NEK4: variants seen among roughly 807,000 people sequenced by gnomAD.
NEK4 encodes NIMA related kinase 4.
In NEK4, 86 loss-of-function variants were observed where a neutral mutation model predicts 98.4. The observed-to-expected ratio is 0.87, with a 90% CI of 0.73 to 1.05. The LOEUF (loss-of-function observed/expected upper bound fraction) is 1.05. NEK4 is among the 50% of genes least tolerant of loss of function. The probability of loss-of-function intolerance (pLI) is 0.00; values close to 1 mark genes in which losing one functional copy is unlikely to be tolerated. For synonymous variants in NEK4, 328 were observed against 342.2 expected (o/e 0.96, Z 0.46); for missense variants, 898 against 950.3 (o/e 0.94, Z 0.72).
intron 9 of NEK4, 27 bp downstream of exon 9, chr3:52,746,707 C>T (rs1434964896): frequency 4.5e-6 from 7 of 1,566,710 alleles, no homozygotes; most frequent in Non-Finnish European, 6.1e-6. Flanking sequence ...CAAAGTCCAC[C>T]TCCCAAACCA....
chr3:52,734,342 C>T (rs1449433186), intron 15 of NEK4, among the ~76,000 whole-genome samples: 2 of 150,822 alleles, frequency 1.3e-5, no homozygotes, highest in African/African-American at 2.4e-5. Flanking sequence ...CCCAGCTGCT[C>T]GGGAGGCTGA....
intron 4 of NEK4, 85 bp downstream of exon 4, chr3:52,765,802 C>A: frequency 1.2e-6 from 1 of 827,008 alleles, no homozygotes; most frequent in Non-Finnish European, 2.1e-6. Flanking sequence ...ATTGACTCAT[C>A]AAAATCATCA....
intron 15 of NEK4, among the ~76,000 whole-genome samples, chr3:52,726,588 G>A (rs781679562): frequency 4.7e-5 from 6 of 126,822 alleles, no homozygotes; most frequent in Non-Finnish European, 9.9e-5. Flanking sequence ...AACAGAGCAA[G>A]ACTCCGTCTC....
Position 52,746,206 on chromosome 3 carries a change from T to C in NEK4, c.1682A>G (p.Gln561Arg). ...RQVRRDLFAFQESPPRFLPSH... is the reference protein window; with the variant it reads ...RQVRRDLFAFRESPPRFLPSH... ...AGGCAAAAATCGAGGAGGCGACTCT[T>C]GGAACTTAAATAATTAAAAAAGAAG... Residue 561 changes from glutamine to arginine, a missense_variant, in exon 10 of 16, where the codon CAA (glutamine) becomes CGA (arginine). Coordinates refer to ENST00000233027, the MANE Select transcript of NEK4 (RefSeq NM_003157.6). The C allele has an allele frequency of 6.2e-7, 1 of 1,613,762 alleles. No homozygotes were observed.
At chr3:52,744,421 C>G (rs2097392210) in intron 10 of NEK4, 116 bp from the exon 11 acceptor site, 1 of 837,368 alleles carries the variant, frequency 1.2e-6, no homozygotes, top group Non-Finnish European at 2.0e-6. Context: ...TGCGGTGGCT[C>G]ACACTTGTAA....
chr3:52,741,020 G>GTCAGGAGA (rs1268037246), intron 13 of NEK4, among the ~76,000 whole-genome samples: 5 of 151,600 alleles, frequency 3.3e-5, no homozygotes, highest in African/African-American at 4.8e-5. Flanking sequence ...AGATCACGAG[G>GTCAGGAGA]TCAGGAGATC....
Position 52,751,941 on chromosome 3 carries a change from T to C in NEK4, c.1359A>G (p.Pro453=). 1.2e-6 allele frequency: 2 copies of C among 1,612,976 alleles called. No homozygotes were observed. Among genetic ancestry groups the C allele is most frequent in the Non-Finnish European group, 1.7e-6 (2 of 1,179,660 alleles). Residue 453 remains proline, a synonymous_variant, in exon 7 of 16, where the codon CCA becomes CCG. Transcript: ENST00000233027. ...PLQPLIKEQK[P]KDQSLALSPK... is the part of the protein sequence containing the mutation. The stretch of plus-strand genomic sequence containing the variant: ...TGTGCATATCACTCACCTGGTCCTT[T>C]GGCTTTTGTTCTTTGATTAGGGGCT...
chr3:52,751,228 G>A (rs1243621477), intron 7 of NEK4, among the ~76,000 whole-genome samples: 1 of 151,970 alleles, frequency 6.6e-6, no homozygotes, highest in Non-Finnish European at 1.5e-5. Flanking sequence ...GGCCAAGATG[G>A]GCAGATCACG....
intron 5 of NEK4, among the ~76,000 whole-genome samples, chr3:52,762,658 G>A (rs116212265): frequency 0.029 from 4,451 of 152,218 alleles, 94 homozygotes; most frequent in Middle Eastern, 0.044. Context: ...CGAGGTGGGC[G>A]GACCACGAGG....
At chr3:52,741,236 CA>C (rs35123782) in intron 13 of NEK4, among the ~76,000 whole-genome samples, 174 bp downstream of exon 13, 11,112 of 59,758 alleles carry the variant, frequency 0.19, 231 homozygotes, top group Non-Finnish European at 0.22. Context: ...AACTCCGTCT[CA>C]AAAAAAAAAA....
At chr3:52,758,273 T>C (rs1396644466) in intron 6 of NEK4, among the ~76,000 whole-genome samples, 1 of 151,558 alleles carries the variant, frequency 6.6e-6, no homozygotes, top group Non-Finnish European at 1.5e-5. Flanking sequence ...AGATACTGTT[T>C]AATGGTAACA....
At chr3:52,713,402 G>A (rs1431115444) in intron 15 of NEK4, among the ~76,000 whole-genome samples, 1 of 152,156 alleles carries the variant, frequency 6.6e-6, no homozygotes, top group African/African-American at 2.4e-5. Flanking sequence ...AGGGTGTACT[G>A]CCTATTCTGC....
rs2230534 is a variant in NEK4 at position 52,768,386 on chromosome 3, A to C, written c.312T>G (p.Pro104=). ...KLKEQKGQLL[P]ENQVVEWFVQ... ...CAAACCACTCTACCACCTGATTCTCAGGCAGAAGCTGCCCTTTCTGCTCCT... is the reference window on the plus strand; with the variant it reads ...CAAACCACTCTACCACCTGATTCTCCGGCAGAAGCTGCCCTTTCTGCTCCT... The change falls in exon 2 of 16, where the codon CCT becomes CCG. Residue 104 remains proline, a synonymous_variant. Coordinates refer to ENST00000233027, the MANE Select transcript of NEK4 (RefSeq NM_003157.6). 621,207 of 1,613,660 alleles carry C rather than the reference A, an allele frequency of 0.38. 123,107 individuals carry two copies. The highest frequency in any genetic ancestry group is 0.51 in the Admixed American group (30,404 of 60,004).
chr3:52,741,864 C>T lies in NEK4; in HGVS notation c.2005-365G>A, dbSNP rs1427529706. On this transcript the variant is annotated intron_variant, in intron 12 of 15. Transcript: ENST00000233027. ...GCACGATCTCGGCTCACAGCAACTT[C>T]CGACTCTCTGGTTCAAGTGATTTTC... Among the ~76,000 whole-genome samples the T allele has an allele frequency of 2.0e-5, 3 of 152,014 alleles. 1 individual carries two copies. The highest frequency in any genetic ancestry group is 2.9e-5 in the Non-Finnish European group (2 of 68,022).
Position 52,746,736 on chromosome 3 carries a change from CAA to C in NEK4, c.1673_1674del (p.Phe558CysfsTer29). 6.2e-7 allele frequency: 1 copy of C among 1,600,378 alleles called. No homozygotes were observed. The highest frequency in any genetic ancestry group is 8.5e-7 in the Non-Finnish European group (1 of 1,173,100). ...CAAACCAAAGCAAAATGACTTACAG[CAA>C]AGAGATCTCTGCGGACCTGTCTCTT... ...GEKRQVRRDLFAFQESPPRFL... is the reference protein window; with the variant it reads ...GEKRQVRRDLXAFQESPPRFL... On this transcript the variant is annotated frameshift_variant, in exon 9 of 16. Transcript: ENST00000233027. LOFTEE classifies it high-confidence loss of function.
intron 4 of NEK4, among the ~76,000 whole-genome samples, chr3:52,764,752 G>A (rs879928510): frequency 4.8e-5 from 7 of 144,708 alleles, no homozygotes; most frequent in South Asian, 2.2e-4. Flanking sequence ...GTGGGTGTGC[G>A]CGTGCGCATG....
chr3:52,763,273 A>G (rs1698424691), intron 5 of NEK4, among the ~76,000 whole-genome samples, 197 bp downstream of exon 5: 1 of 152,214 alleles, frequency 6.6e-6, no homozygotes, highest in South Asian at 2.1e-4. Context: ...CTCCTGTTAA[A>G]TTATAAGTTT....
intron 15 of NEK4, among the ~76,000 whole-genome samples, chr3:52,716,326 C>T (rs1188230784): frequency 6.6e-6 from 1 of 152,172 alleles, no homozygotes; most frequent in Non-Finnish European, 1.5e-5. Flanking sequence ...ACACCAGGCC[C>T]AACTGTCCAG....
At chr3:52,716,015 C>T (rs572998859) in intron 15 of NEK4, among the ~76,000 whole-genome samples, 38 of 152,324 alleles carry the variant, frequency 2.5e-4, no homozygotes, top group African/African-American at 9.1e-4. Flanking sequence ...GCTTGAGGTG[C>T]ACCTGGTCTG....
Sources: allele counts gnomAD v4.1 joint callset (sites outside exome capture counted in the v4.1 genomes callset), GRCh38; gene constraint gnomAD v4.1.1; transcripts MANE v1.5; gene names NCBI Gene and HGNC (gene_info 2026-07-23, HGNC 2026-07-21).